The following BABAM2 variants were observed in gnomAD, a reference collection of about 807,000 sequenced individuals.
BABAM2 encodes the protein BRISC and BRCA1-A complex member 2.
A neutral mutation model predicts 54.7 loss-of-function variants in BABAM2; 31 were observed. That is an observed-to-expected ratio of 0.57 (90% CI 0.43 to 0.77). The LOEUF (loss-of-function observed/expected upper bound fraction) is 0.77, where lower values mean the gene tolerates loss of function less well. Among genes scored for constraint, BABAM2 ranks in the 30% least tolerant of loss-of-function variants. The pLI, the probability that BABAM2 is intolerant of heterozygous loss-of-function variation, is 0.00. For missense variants in BABAM2, 364 were observed against 455.8 expected (o/e 0.80, Z 1.83); for synonymous variants, 167 against 162.9 (o/e 1.03, Z -0.19).
chr2:28,103,203 G>A (rs919130511), intron 6 of BABAM2, among the ~76,000 whole-genome samples: 1 of 152,018 alleles, frequency 6.6e-6, no homozygotes, highest in Admixed American at 6.6e-5. Flanking sequence ...CTTATAGCCA[G>A]TGTTCCAGAT....
chr2:28,117,638 T>C (rs577846138), intron 6 of BABAM2, among the ~76,000 whole-genome samples: 33 of 152,342 alleles, frequency 2.2e-4, no homozygotes, highest in African/African-American at 7.7e-4. Flanking sequence ...ATGGGAAATA[T>C]GGCAGCTCAC....
chr2:28,239,892 T>C (rs1682255058), intron 8 of BABAM2, among the ~76,000 whole-genome samples: 1 of 152,180 alleles, frequency 6.6e-6, no homozygotes, highest in Non-Finnish European at 1.5e-5. Flanking sequence ...GAGGGAGCAT[T>C]CCCTTCCATT....
At position 28,338,864 on chromosome 2, in the gene BABAM2, TCTAAGATTAAATGCCC is replaced by T. The variant is rs1691701265; in HGVS notation, c.*354_*369del. On this transcript the variant is annotated 3_prime_UTR_variant, in exon 12 of 12. Coordinates refer to ENST00000379624, the MANE Select transcript of BABAM2 (RefSeq NM_199191.3). ...CCTTTGTCTCTGAGACCTCTTAAGTTCTAAGATTAAATGCCCCTCGCTGTTCTTCCTCTGAAACTAG... is the reference window on the plus strand; with the variant it reads ...CCTTTGTCTCTGAGACCTCTTAAGTTCTCGCTGTTCTTCCTCTGAAACTAG... The T allele has an allele frequency of 1.2e-5, 3 of 260,300 alleles. No individual in the cohort carries two copies. The highest frequency in any genetic ancestry group is 5.1e-5 in the Admixed American group (1 of 19,622). The allele number at this position is 260,300 out of a possible 1,614,324, so 16.1% of individuals were successfully genotyped here. A position where few individuals can be genotyped will look rare whatever the true frequency, so the allele number is the denominator to read the frequency against.
At chr2:28,248,207 C>CTTTTTTTTTTTTTTTTTTT (rs780563394) in intron 10 of BABAM2, among the ~76,000 whole-genome samples, 1 of 54,308 alleles carries the variant, frequency 1.8e-5, no homozygotes, top group Non-Finnish European at 3.7e-5. Flanking sequence ...TTTTCTTTTT[C>CTTTTTTTTTTTTTTTTTTT]TTTTTTTTTT....
intron 4 of BABAM2, among the ~76,000 whole-genome samples, chr2:28,010,802 C>T (rs1303409224): frequency 6.6e-6 from 1 of 152,026 alleles, no homozygotes; most frequent in Non-Finnish European, 1.5e-5. Flanking sequence ...GCTCTTCCTC[C>T]CATTGTGTTA....
Position 28,204,000 on chromosome 2 carries a change from C to T in BABAM2, c.681-33202C>T, listed in dbSNP as rs959190261. Among the ~76,000 whole-genome samples the T allele has an allele frequency of 3.9e-5, 6 of 152,200 alleles. No individual in the cohort carries two copies. The East Asian group carries it at 7.7e-4, about 20-fold the overall frequency. On this transcript the variant is annotated intron_variant, in intron 7 of 11. Transcript: ENST00000379624. ...AATTTATCATTTTTGCCAATCATTA[C>T]GATATCTTGCTTTAATTTGTATTTC...
chr2:28,073,791 T>C (rs1195355618), intron 6 of BABAM2, among the ~76,000 whole-genome samples: 1 of 152,134 alleles, frequency 6.6e-6, no homozygotes, highest in Admixed American at 6.5e-5. Context: ...ATTTAATTAA[T>C]GGTGCTAGAT....
At chr2:28,025,987 A>G (rs115804345) in intron 5 of BABAM2, among the ~76,000 whole-genome samples, 89 of 152,318 alleles carry the variant, frequency 5.8e-4, no homozygotes, top group African/African-American at 2.0e-3. Context: ...TTCCAGTGGT[A>G]TAAAAAACTC....
intron 10 of BABAM2, among the ~76,000 whole-genome samples, chr2:28,272,878 C>T (rs879717051): frequency 6.6e-6 from 1 of 152,064 alleles, no homozygotes; most frequent in Non-Finnish European, 1.5e-5. Flanking sequence ...TGGGGACTGA[C>T]GTGGCTGGGA....
At chr2:28,122,740 G>T (rs1215968363) in intron 6 of BABAM2, among the ~76,000 whole-genome samples, 1 of 152,184 alleles carries the variant, frequency 6.6e-6, no homozygotes, top group Non-Finnish European at 1.5e-5. Context: ...AGAGCATAAT[G>T]ATAAATTGTA....
intron 3 of BABAM2, among the ~76,000 whole-genome samples, chr2:27,958,353 G>A (rs1670237240): frequency 6.6e-6 from 1 of 151,794 alleles, no homozygotes; most frequent in Admixed American, 6.6e-5. Context: ...AAAGACAAAA[G>A]GATTAGGAAA....
intron 10 of BABAM2, among the ~76,000 whole-genome samples, chr2:28,257,146 C>A (rs1356324128): frequency 6.6e-6 from 1 of 152,116 alleles, no homozygotes; most frequent in Non-Finnish European, 1.5e-5. Flanking sequence ...GTATACTCAG[C>A]AACTGCACAG....
intron 11 of BABAM2, among the ~76,000 whole-genome samples, chr2:28,334,803 T>C: frequency 6.6e-6 from 1 of 152,186 alleles, no homozygotes; most frequent in Non-Finnish European, 1.5e-5. Context: ...TCAGGTGGCC[T>C]TATCACCCCT....
chr2:28,169,643 C>T (rs72816418), intron 7 of BABAM2, among the ~76,000 whole-genome samples: 33,746 of 151,652 alleles, frequency 0.22, 4,732 homozygotes, highest in Middle Eastern at 0.33. Context: ...AATAGCTAGG[C>T]GTAGTAGGGC....
intron 3 of BABAM2, among the ~76,000 whole-genome samples, chr2:27,952,551 A>T (rs551456657): frequency 5.9e-5 from 9 of 152,218 alleles, no homozygotes; most frequent in Non-Finnish European, 8.8e-5. Flanking sequence ...GAGGGCACCA[A>T]TGTATTTATG....
At chr2:28,268,500 A>G (rs943216745) in intron 10 of BABAM2, among the ~76,000 whole-genome samples, 1 of 152,216 alleles carries the variant, frequency 6.6e-6, no homozygotes, top group African/African-American at 2.4e-5. Context: ...AGTGTGTATT[A>G]CAAGTATTCT....
At chr2:28,071,618 C>T (rs1192120997) in intron 6 of BABAM2, among the ~76,000 whole-genome samples, 1 of 152,182 alleles carries the variant, frequency 6.6e-6, no homozygotes, top group Non-Finnish European at 1.5e-5. Flanking sequence ...TTATCATTCT[C>T]TTTTCATTTA....
intron 11 of BABAM2, among the ~76,000 whole-genome samples, chr2:28,313,235 C>T (rs1572398928): frequency 6.6e-6 from 1 of 152,344 alleles, no homozygotes. Context: ...GAGAAGGTAA[C>T]ATGCTTCTGT....
chr2:28,244,134 A>C (rs993209379), intron 9 of BABAM2, among the ~76,000 whole-genome samples: 2 of 152,050 alleles, frequency 1.3e-5, no homozygotes, highest in Non-Finnish European at 2.9e-5. Flanking sequence ...CCCTTCCTGA[A>C]CCCAGCATCC....
Sources: gnomAD v4.1 joint callset for allele counts (sites outside exome capture counted in the v4.1 genomes callset) on GRCh38, gnomAD v4.1.1 for gene constraint, MANE v1.5 for transcripts, NCBI Gene and HGNC (gene_info 2026-07-23, HGNC 2026-07-21) for gene names.